ZNF385D: variants seen among roughly 807,000 people sequenced by gnomAD.
ZNF385D encodes the protein zinc finger protein 659.
In ZNF385D, 15 loss-of-function variants were observed where a neutral mutation model predicts 35.8. The ratio of observed to expected loss-of-function variants is 0.42; its 90% CI spans 0.28 to 0.64. The LOEUF (loss-of-function observed/expected upper bound fraction) is 0.64. ZNF385D is among the 30% of genes least tolerant of loss of function. The pLI is 0.23. For missense variants in ZNF385D, 474 were observed against 494.6 expected, an observed-to-expected ratio of 0.96 and a Z score of 0.39; for synonymous variants, 212 against 186.8, an observed-to-expected ratio of 1.13 and a Z score of -1.10.
rs139927617 is a variant in ZNF385D at position 22,260,350 on chromosome 3, G to A, written c.107-91315C>T. ...CATCACACACCAGGGCCTGTTGGCA[G>A]GTGGGCGGCAAGGGGAGGGAGAGCA... On this transcript the variant is annotated intron_variant, in intron 2 of 5. Coordinates refer to the ZNF385D transcript ENST00000494108. Among the ~76,000 whole-genome samples, 183 of 152,042 alleles carry A rather than the reference G, an allele frequency of 1.2e-3. 2 individuals carry two copies. The highest frequency in any genetic ancestry group is 3.9e-3 in the African/African-American group (161 of 41,522).
intron 3 of ZNF385D, among the ~76,000 whole-genome samples, chr3:21,538,744 CTG>C (rs2062099600): frequency 6.6e-6 from 1 of 151,996 alleles, no homozygotes; most frequent in African/African-American, 2.4e-5. Context: ...AGGGAAAAAA[CTG>C]TGGTTGGGGC....
In ZNF385D at chr3:21,466,345, A is replaced by C. The variant is rs150228873; in HGVS notation, c.440-29142T>G. On this transcript the variant is annotated intron_variant, in intron 4 of 7. Coordinates refer to ENST00000281523, the MANE Select transcript of ZNF385D (RefSeq NM_024697.3). ...CTTTGCTCTAGTCATATTGAAGTTT[A>C]TTCTTTTCCTTGAAAAGAATAACAA... 4.4e-4 allele frequency among the ~76,000 whole-genome samples: 67 copies of C among 152,284 alleles called. 1 individual carries two copies. The East Asian group carries it at 0.012, about 27-fold the overall frequency.
At chr3:22,112,565 A>G (rs955474296) in intron 3 of ZNF385D, among the ~76,000 whole-genome samples, 2 of 152,184 alleles carry the variant, frequency 1.3e-5, no homozygotes, top group African/African-American at 4.8e-5. Context: ...GTAATTATCC[A>G]CATCAGCTAT....
chr3:21,885,039 G>C (rs528375919), intron 3 of ZNF385D, among the ~76,000 whole-genome samples: 1 of 151,958 alleles, frequency 6.6e-6, no homozygotes, highest in Admixed American at 6.6e-5. Flanking sequence ...TATGGTCCAT[G>C]AATCCTAAAT....
intron 1 of ZNF385D, among the ~76,000 whole-genome samples, chr3:21,750,333 G>A (rs994547067): frequency 2.0e-5 from 3 of 152,150 alleles, no homozygotes; most frequent in African/African-American, 4.8e-5. Flanking sequence ...GACCTCTAAA[G>A]GTTTCAAATA....
chr3:21,584,094 C>G (rs1340761285), intron 2 of ZNF385D, among the ~76,000 whole-genome samples: 1 of 151,990 alleles, frequency 6.6e-6, no homozygotes, highest in Non-Finnish European at 1.5e-5. Context: ...CTGCCTCAGC[C>G]TCCCTAGTAG....
chr3:21,547,134 AT>A (rs2062401662), intron 3 of ZNF385D, among the ~76,000 whole-genome samples: 1 of 152,054 alleles, frequency 6.6e-6, no homozygotes, highest in South Asian at 2.1e-4. Context: ...CTTCACTGAT[AT>A]GTAATTGTGT....
At chr3:22,247,453 G>A (rs1240157761) in intron 2 of ZNF385D, among the ~76,000 whole-genome samples, 2 of 151,882 alleles carry the variant, frequency 1.3e-5, no homozygotes, top group African/African-American at 4.8e-5. Context: ...ATTATGCCAT[G>A]AAAATTATGA....
intron 2 of ZNF385D, among the ~76,000 whole-genome samples, chr3:22,265,566 C>T (rs1198512043): frequency 6.6e-6 from 1 of 151,920 alleles, no homozygotes; most frequent in Admixed American, 6.6e-5. Context: ...TCGCCATCAA[C>T]CTAACACACG....
At chr3:21,441,732 T>A (rs1436053623) in intron 4 of ZNF385D, 1 of 979,666 alleles carries the variant, frequency 1.0e-6, no homozygotes, top group Non-Finnish European at 1.2e-6. Context: ...TCATTGCACC[T>A]TTTTTTCCCC....
intron 2 of ZNF385D, among the ~76,000 whole-genome samples, chr3:21,656,986 G>C (rs193002046): frequency 3.3e-5 from 5 of 151,664 alleles, no homozygotes; most frequent in Admixed American, 2.0e-4. Flanking sequence ...TAGGAAACAG[G>C]CCAAATATAT....
chr3:21,439,657 T>A (rs970391692), intron 4 of ZNF385D, among the ~76,000 whole-genome samples: 1 of 152,092 alleles, frequency 6.6e-6, no homozygotes, highest in African/African-American at 2.4e-5. Flanking sequence ...TGCAATTTGT[T>A]AACAAAAGCA....
intron 3 of ZNF385D, among the ~76,000 whole-genome samples, chr3:22,063,926 C>G (rs543260562): frequency 6.6e-6 from 1 of 152,232 alleles, no homozygotes; most frequent in Non-Finnish European, 1.5e-5. Context: ...TCTGCCCAGT[C>G]TTTCCTCCTT....
At chr3:22,155,870 G>A (rs1576415498) in intron 3 of ZNF385D, among the ~76,000 whole-genome samples, 1 of 152,160 alleles carries the variant, frequency 6.6e-6, no homozygotes, top group Middle Eastern at 3.4e-3. Context: ...CTCATTTACA[G>A]TTAATAACAT....
intron 3 of ZNF385D, among the ~76,000 whole-genome samples, chr3:22,011,592 T>C (rs1473588526): frequency 2.0e-5 from 3 of 152,126 alleles, no homozygotes; most frequent in African/African-American, 7.2e-5. Context: ...GTGGATTATC[T>C]GAAGAAAATT....
intron 2 of ZNF385D, among the ~76,000 whole-genome samples, chr3:22,227,173 T>C (rs1559465047): frequency 6.6e-6 from 1 of 151,388 alleles, no homozygotes; most frequent in Non-Finnish European, 1.5e-5. Flanking sequence ...TGTATATATA[T>C]GTGTATGTGG....
intron 3 of ZNF385D, among the ~76,000 whole-genome samples, chr3:21,968,553 T>G (rs536774849): frequency 6.6e-6 from 1 of 152,266 alleles, no homozygotes; most frequent in Admixed American, 6.5e-5. Flanking sequence ...GGACTTTGTC[T>G]TGCATCTTGA....
In ZNF385D at chr3:22,286,503, G is replaced by C. The variant is rs80027894; in HGVS notation, c.106+85947C>G. On this transcript the variant is annotated intron_variant, in intron 2 of 5. Transcript: ENST00000494108. ...AGGTATAATGTTAGATTGCTCATTT[G>C]AGATCATTCTTCTCTTTTGATGCTC... Among the ~76,000 whole-genome samples, 18 of 152,120 alleles carry C rather than the reference G, an allele frequency of 1.2e-4. No homozygotes were observed. In the East Asian group the frequency reaches 3.3e-3, roughly 28 times the overall value.
At chr3:22,013,776 C>T (rs746687955) in intron 3 of ZNF385D, among the ~76,000 whole-genome samples, 2 of 152,082 alleles carry the variant, frequency 1.3e-5, no homozygotes, top group Non-Finnish European at 2.9e-5. Flanking sequence ...CATCAGGGAG[C>T]ATCTGGATCC....
Sources: gnomAD v4.1 joint callset for allele counts (sites outside exome capture counted in the v4.1 genomes callset) on GRCh38, gnomAD v4.1.1 for gene constraint, MANE v1.5 for transcripts, NCBI Gene and HGNC (gene_info 2026-07-23, HGNC 2026-07-21) for gene names.